The following RNLS variants were observed in gnomAD, a reference collection of about 807,000 sequenced individuals.
The protein encoded by RNLS is renalase, FAD dependent amine oxidase, also known as renalase.
Under a neutral mutation model 39.8 loss-of-function variants are expected in RNLS, and 39 were observed. The ratio of observed to expected loss-of-function variants is 0.98; its 90% CI spans 0.76 to 1.28. The LOEUF (loss-of-function observed/expected upper bound fraction) is 1.28, where lower values mean the gene tolerates loss of function less well. RNLS is among the 50% of genes most tolerant of loss of function. The probability of loss-of-function intolerance (pLI) is 0.00; values close to 1 mark genes in which losing one functional copy is unlikely to be tolerated. For missense variants in RNLS, 410 were observed against 413.3 expected, an observed-to-expected ratio of 0.99 and a Z score of 0.07; for synonymous variants, 147 against 150.7, an observed-to-expected ratio of 0.98 and a Z score of 0.18.
chr10:88,379,758 T>TACA (rs1295040497), intron 4 of RNLS, among the ~76,000 whole-genome samples: 1 of 152,222 alleles, frequency 6.6e-6, no homozygotes, highest in East Asian at 1.9e-4. Flanking sequence ...TAAAAGATGA[T>TACA]ACAACTTATG....
At chr10:88,199,055 G>T in the RNLS span, among the ~76,000 whole-genome samples, 1 of 152,182 alleles carries the variant, frequency 6.6e-6, no homozygotes, top group Non-Finnish European at 1.5e-5. Context: ...AAAGGAGAAG[G>T]AGGAAATGAA....
intron 4 of RNLS, among the ~76,000 whole-genome samples, chr10:88,489,627 C>T (rs934102159): frequency 1.3e-5 from 2 of 152,112 alleles, no homozygotes; most frequent in Non-Finnish European, 2.9e-5. Flanking sequence ...ATTTGAGTCC[C>T]CCATTTTCTC....
chr10:88,451,483 G>A (rs1191956588), intron 4 of RNLS, among the ~76,000 whole-genome samples: 3 of 152,184 alleles, frequency 2.0e-5, no homozygotes, highest in African/African-American at 7.2e-5. Context: ...AAGAGAGAAG[G>A]GAGCCCCACT....
intron 6 of RNLS, among the ~76,000 whole-genome samples, chr10:88,286,810 A>G (rs973052704): frequency 1.4e-5 from 2 of 145,768 alleles, no homozygotes; most frequent in African/African-American, 5.0e-5. Flanking sequence ...TTTTTCTTCT[A>G]GAGATAGGGT....
intron 5 of RNLS, among the ~76,000 whole-genome samples, chr10:88,330,130 A>C (rs2133155783): frequency 6.7e-6 from 1 of 148,158 alleles, no homozygotes; most frequent in African/African-American, 2.5e-5. Flanking sequence ...ATATACACAC[A>C]CACACAATTT....
In RNLS at chr10:88,317,302, C is replaced by T. The variant is rs1294693105; in HGVS notation, c.701-2661G>A. On this transcript the variant is annotated intron_variant, in intron 5 of 6. Transcript: ENST00000331772. The stretch of plus-strand genomic sequence containing the variant: ...CATCAATTAAAAGGGAGCAACACTA[C>T]TGACCTTACAAGGCTGCCATGAGGA... Among the ~76,000 whole-genome samples the T allele has an allele frequency of 6.6e-5, 10 of 152,318 alleles. No individual in the cohort carries two copies. In the East Asian group the frequency reaches 1.9e-3, roughly 29 times the overall value.
rs552162152 is a variant in RNLS, at chr10:88,449,894, G to T, written c.527-87169C>A. 2.6e-5 allele frequency among the ~76,000 whole-genome samples: 4 copies of T among 152,098 alleles called. No homozygotes were observed. The South Asian group carries it at 8.3e-4, about 32-fold the overall frequency. ...TGTTGGAGCTCTCTGCTTCTGGGAG[G>T]GTAGGACACAAAAGAAGCATCAAGA... On this transcript the variant is annotated intron_variant, in intron 4 of 6. Transcript: ENST00000331772.
intron 4 of RNLS, among the ~76,000 whole-genome samples, chr10:88,507,586 C>T (rs529685531): frequency 6.6e-6 from 1 of 152,182 alleles, no homozygotes; most frequent in Admixed American, 6.6e-5. Flanking sequence ...TTAGATGTCC[C>T]ATGTGAGCTG....
chr10:88,526,261 C>T (rs1358828100), intron 4 of RNLS, among the ~76,000 whole-genome samples: 1 of 151,030 alleles, frequency 6.6e-6, no homozygotes. Context: ...AGAAATCATA[C>T]TAGATGAATT....
At chr10:88,263,663 T>C in the RNLS span, among the ~76,000 whole-genome samples, 1 of 152,104 alleles carries the variant, frequency 6.6e-6, no homozygotes, top group East Asian at 1.9e-4. Flanking sequence ...TAGGGGGGTA[T>C]TGTTAAGGCC....
the RNLS span, among the ~76,000 whole-genome samples, chr10:88,188,070 T>C: frequency 6.6e-6 from 1 of 152,208 alleles, no homozygotes; most frequent in Admixed American, 6.5e-5. Flanking sequence ...CTTTTTCTTT[T>C]TTTTTGAGAT....
intron 4 of RNLS, among the ~76,000 whole-genome samples, chr10:88,492,609 G>A (rs955972453): frequency 3.9e-5 from 6 of 151,924 alleles, no homozygotes; most frequent in Non-Finnish European, 8.8e-5. Context: ...TGTAGAGACG[G>A]AGATTCTCTC....
chr10:88,250,440 G>A, the RNLS span, among the ~76,000 whole-genome samples: 1 of 152,190 alleles, frequency 6.6e-6, no homozygotes, highest in Non-Finnish European at 1.5e-5. Flanking sequence ...GGCCTGGCAG[G>A]TAAATGAATG....
At chr10:88,239,258 T>G in the RNLS span, among the ~76,000 whole-genome samples, 2 of 152,098 alleles carry the variant, frequency 1.3e-5, no homozygotes, top group Admixed American at 6.5e-5. Context: ...AACCGCAGAG[T>G]AACTGAACTC....
At chr10:88,257,129 A>G in the RNLS span, among the ~76,000 whole-genome samples, 1 of 151,938 alleles carries the variant, frequency 6.6e-6, no homozygotes, top group Non-Finnish European at 1.5e-5. Flanking sequence ...TCCATCCTCC[A>G]TCATTCCCCA....
At chr10:88,203,320 A>ACG in the RNLS span, among the ~76,000 whole-genome samples, 1 of 5,664 alleles carries the variant, frequency 1.8e-4, no homozygotes, top group Non-Finnish European at 3.3e-4. Flanking sequence ...ATACGTATGT[A>ACG]TATATATATA....
the RNLS span, among the ~76,000 whole-genome samples, chr10:88,260,549 T>G: frequency 6.6e-6 from 1 of 152,212 alleles, no homozygotes; most frequent in Non-Finnish European, 1.5e-5. Context: ...TCATTTGACT[T>G]TGAAACCCTG....
At chr10:88,537,522 A>C (rs1441490044) in intron 4 of RNLS, among the ~76,000 whole-genome samples, 1 of 152,238 alleles carries the variant, frequency 6.6e-6, no homozygotes, top group Non-Finnish European at 1.5e-5. Context: ...CACAGCAGTA[A>C]GAATGAACCA....
At chr10:88,395,222 G>A (rs1852481374) in intron 4 of RNLS, among the ~76,000 whole-genome samples, 4 of 113,378 alleles carry the variant, frequency 3.5e-5, no homozygotes, top group Admixed American at 1.0e-4. Flanking sequence ...AAAGTATCAA[G>A]AACTTTAAAA....
Sources: gnomAD v4.1 joint callset for allele counts (sites outside exome capture counted in the v4.1 genomes callset) on GRCh38, gnomAD v4.1.1 for gene constraint, MANE v1.5 for transcripts, NCBI Gene and HGNC (gene_info 2026-07-23, HGNC 2026-07-21) for gene names.